Variants in HK1 observed in about 807,000 individuals in gnomAD.
HK1 encodes hexokinase-1.
HK1 carries 28 observed loss-of-function variants against 91.6 expected under a neutral mutation model. The observed-to-expected ratio is 0.31, with a 90% confidence interval of 0.23 to 0.42. HK1 has a LOEUF of 0.42. Among genes scored for constraint, HK1 ranks in the 10% least tolerant of loss-of-function variants. HK1 has a pLI of 1.00. For synonymous variants in HK1, 430 were observed against 468.1 expected (o/e 0.92, Z 1.05); for missense variants, 770 against 1,219.8 (o/e 0.63, Z 5.49).
rs144475493 is a variant in HK1, at chr10:69,380,448, C to T, written c.1265+353C>T. On this transcript the variant is annotated intron_variant, in intron 9 of 17. Coordinates refer to ENST00000359426, the MANE Select transcript of HK1 (RefSeq NM_000188.3). The surrounding 1 kb of genome is among the most constrained non-coding windows in gnomAD (Gnocchi z 4.0). Reference sequence around the variant, plus strand: ...GCTTCTGCACTCTGTCGTTACCTCGCCCTGTCAAAAGTCGAGATGGAGATT... The same window carrying T: ...GCTTCTGCACTCTGTCGTTACCTCGTCCTGTCAAAAGTCGAGATGGAGATT... Among the ~76,000 whole-genome samples the T allele has an allele frequency of 1.1e-4, 16 of 152,308 alleles. No individual in the cohort carries two copies. Among genetic ancestry groups the T allele is most frequent in the African/African-American group, 3.6e-4 (15 of 41,566 alleles).
chr10:69,349,393 C>T (rs1051773933), intron 2 of HK1, among the ~76,000 whole-genome samples: 1 of 152,130 alleles, frequency 6.6e-6, no homozygotes, highest in African/African-American at 2.4e-5. Flanking sequence ...AGTTATGGTG[C>T]GTCATCGTCA....
rs1243572106 is a variant in HK1 at position 69,382,671 on chromosome 10, C to T, written c.1450C>T (p.Leu484=). 6.2e-7 allele frequency: 1 copy of T among 1,613,824 alleles called. No homozygotes were observed. The highest frequency in any genetic ancestry group is 1.3e-5 in the African/African-American group (1 of 74,924). ...TCATTTCCACCTCACCAAGGACATG[C>T]TGCTGGAGGTGAAGAAGAGGATGCG... ...LAHFHLTKDM[L]LEVKKRMRAE... is the part of the protein sequence containing the mutation. The change falls in exon 10 of 18, where the codon CTG becomes TTG. Residue 484 remains leucine, a synonymous_variant. Coordinates refer to ENST00000359426, the MANE Select transcript of HK1 (RefSeq NM_000188.3).
intron 1 of HK1, among the ~76,000 whole-genome samples, chr10:69,322,467 G>A (rs1008466840): frequency 2.6e-5 from 4 of 152,182 alleles, no homozygotes; most frequent in Admixed American, 6.6e-5. Context: ...TCCAATGGCC[G>A]AACTCAGGAG....
chr10:69,374,368 C>G (rs1243352789), intron 7 of HK1, among the ~76,000 whole-genome samples: 1 of 152,208 alleles, frequency 6.6e-6, no homozygotes, highest in Non-Finnish European at 1.5e-5. Context: ...TTGGTTGGAA[C>G]GCTGCCACGC....
chr10:69,357,563 A>C (rs12770156), intron 2 of HK1, among the ~76,000 whole-genome samples: 1 of 151,978 alleles, frequency 6.6e-6, no homozygotes, highest in African/African-American at 2.4e-5. Flanking sequence ...AGATTCTCCT[A>C]CCTCAGTCTC....
intron 1 of HK1, among the ~76,000 whole-genome samples, chr10:69,322,365 T>A (rs1847086498): frequency 6.6e-6 from 1 of 152,078 alleles, no homozygotes; most frequent in South Asian, 2.1e-4. Context: ...TTGAAACAGT[T>A]CAGGTGTCTG....
intron 2 of HK1, among the ~76,000 whole-genome samples, chr10:69,283,590 G>A (rs1016411938): frequency 1.3e-5 from 2 of 151,444 alleles, no homozygotes; most frequent in Admixed American, 6.6e-5. Context: ...AGACCAGCCT[G>A]GCCAACATGG....
At position 69,401,512 on chromosome 10, in the gene HK1, G is replaced by T. The variant is rs1248890383; in HGVS notation, c.*377G>T. On this transcript the variant is annotated 3_prime_UTR_variant, in exon 18 of 18. Coordinates refer to ENST00000359426, the MANE Select transcript of HK1 (RefSeq NM_000188.3). ...CTGGGCCTCCAAAGCCCATCCTTGG[G>T]GTTCCCCCTCCCTGTGTGAAATGTA... The T allele has an allele frequency of 2.8e-6, 1 of 362,128 alleles. No individual in the cohort carries two copies. Among genetic ancestry groups the T allele is most frequent in the Admixed American group, 4.3e-5 (1 of 23,252 alleles). 22.4% of individuals were successfully genotyped at this position (362,128 alleles called of 1,614,324 possible).
chr10:69,311,212 G>A (rs1183973773), upstream of HK1, among the ~76,000 whole-genome samples: 2 of 152,144 alleles, frequency 1.3e-5, no homozygotes, highest in Admixed American at 6.5e-5. Flanking sequence ...AATGCTGGTC[G>A]GATGGGACTG....
chr10:69,326,488 G>A lies in HK1; in HGVS notation c.63+7478G>A, dbSNP rs558952745. Among the ~76,000 whole-genome samples, 8 of 152,238 alleles carry A rather than the reference G, an allele frequency of 5.3e-5. No individual in the cohort carries two copies. In the South Asian group the frequency reaches 6.2e-4, roughly 12 times the overall value. ...GGAGATAAAACATTTTTCTAAGGTCGAAAGAAAATCAGGAATAGGATTCAG... is the reference window on the plus strand; with the variant it reads ...GGAGATAAAACATTTTTCTAAGGTCAAAAGAAAATCAGGAATAGGATTCAG... On this transcript the variant is annotated intron_variant, in intron 1 of 17. Transcript: ENST00000359426.
chr10:69,287,544 A>G (rs1845086138), intron 2 of HK1, among the ~76,000 whole-genome samples: 1 of 152,334 alleles, frequency 6.6e-6, no homozygotes, highest in Admixed American at 6.5e-5. Flanking sequence ...CTTATGCGAA[A>G]TGGCCAGAAG....
chr10:69,293,715 G>A (rs1845401644), intron 3 of HK1, among the ~76,000 whole-genome samples: 1 of 152,096 alleles, frequency 6.6e-6, no homozygotes. Flanking sequence ...AAAGTTGACT[G>A]GCTGTAGGCA....
chr10:69,339,147 G>GTC (rs139225728), intron 1 of HK1, among the ~76,000 whole-genome samples: 11,255 of 152,248 alleles, frequency 0.074, 500 homozygotes, highest in African/African-American at 0.13. Flanking sequence ...TTCTGCAGGT[G>GTC]TCTCTAGTCA....
At chr10:69,376,831 T>C in intron 7 of HK1, 103 bp from the exon 8 acceptor site, 1 of 1,418,282 alleles carries the variant, frequency 7.1e-7, no homozygotes, top group Non-Finnish European at 1.0e-6. Flanking sequence ...TGGGGGCTGG[T>C]GAGGGGTGAG....
rs756112973 is a variant in HK1 at position 69,380,069 on chromosome 10, C to T, written c.1239C>T (p.Asp413=). 3.7e-5 allele frequency: 60 copies of T among 1,613,850 alleles called. No homozygotes were observed. Among genetic ancestry groups the T allele is most frequent in the African/African-American group, 9.3e-5 (7 of 74,920 alleles). The change falls in exon 9 of 18, where the codon GAC becomes GAT. Residue 413 remains aspartate, a synonymous_variant. Coordinates refer to ENST00000359426, the MANE Select transcript of HK1 (RefSeq NM_000188.3). This position sits in a 1 kb window ranked among gnomAD's most constrained non-coding sequence, Gnocchi z 4.0. ...GGCTGCGGACCACGGTTGGTGTCGA[C>T]GGATCTCTTTACAAGACGCACCCAC... ...TPRLRTTVGV[D]GSLYKTHPQY... is the part of the protein sequence containing the mutation.
intron 1 of HK1, among the ~76,000 whole-genome samples, chr10:69,276,110 A>ATATAT (rs1564746728): frequency 6.2e-4 from 28 of 45,492 alleles, no homozygotes; most frequent in African/African-American, 7.5e-4. Flanking sequence ...AAAAAAAAAA[A>ATATAT]AAAAAAAAAT....
chr10:69,309,494 T>TA (rs1267977474), intron 5 of HK1, among the ~76,000 whole-genome samples: 51 of 81,228 alleles, frequency 6.3e-4, no homozygotes, highest in African/African-American at 3.2e-3. Context: ...CTTTGTCTCA[T>TA]TAAAAAAAAA....
chr10:69,343,051 G>A (rs1461693959), intron 1 of HK1, among the ~76,000 whole-genome samples: 1 of 152,170 alleles, frequency 6.6e-6, no homozygotes, highest in African/African-American at 2.4e-5. Context: ...GAGGTGCAGG[G>A]CCCATGGCCT....
At chr10:69,301,466 C>G (rs1014567122) in intron 5 of HK1, among the ~76,000 whole-genome samples, 3 of 143,418 alleles carry the variant, frequency 2.1e-5, no homozygotes, top group Non-Finnish European at 4.5e-5. Context: ...CCCAGCTACT[C>G]GGGAGGCTGA....
Sources: allele counts gnomAD v4.1 joint callset (sites outside exome capture counted in the v4.1 genomes callset), GRCh38; gene constraint gnomAD v4.1.1; non-coding constraint Gnocchi (gnomAD v3.1); transcripts MANE v1.5; gene names NCBI Gene and HGNC (gene_info 2026-07-23, HGNC 2026-07-21).